Variants in SLC6A2 observed in about 807,000 individuals in gnomAD.
The protein encoded by SLC6A2 is sodium-dependent noradrenaline transporter.
SLC6A2 carries 26 observed loss-of-function variants against 71.7 expected under a neutral mutation model. That is an observed-to-expected ratio of 0.36 (90% CI 0.27 to 0.50). The LOEUF is 0.50. Among genes scored for constraint, SLC6A2 ranks in the 20% least tolerant of loss-of-function variants. SLC6A2 has a pLI of 0.96. For synonymous variants in SLC6A2, 363 were observed against 337.9 expected (o/e 1.07, Z -0.82); for missense variants, 581 against 803.9 (o/e 0.72, Z 3.35).
chr16:55,703,469 G>A lies in SLC6A2; in HGVS notation c.*1123G>A, dbSNP rs979267561. 1.2e-5 allele frequency: 12 copies of A among 985,460 alleles called. No individual in the cohort carries two copies. The African/African-American group carries it at 2.1e-4, about 17-fold the overall frequency. The allele number at this position is 985,460 out of a possible 1,614,324, so 61.0% of individuals were successfully genotyped here. A position where few individuals can be genotyped will look rare whatever the true frequency, so the allele number is the denominator to read the frequency against. On this transcript the variant is annotated 3_prime_UTR_variant, in exon 15 of 15. Transcript: ENST00000568943. ...CTTGGAGGGCAGGGTGAGACAAGCAGCCCAGAAATACTCTCTCAAGTGGAG... is the reference window on the plus strand; with the variant it reads ...CTTGGAGGGCAGGGTGAGACAAGCAACCCAGAAATACTCTCTCAAGTGGAG...
At chr16:55,695,918 G>A (rs1368440929) in intron 8 of SLC6A2, among the ~76,000 whole-genome samples, 5 of 152,112 alleles carry the variant, frequency 3.3e-5, no homozygotes, top group African/African-American at 1.2e-4. Flanking sequence ...TACCTCTAAT[G>A]CACTCCGAGG....
intron 2 of SLC6A2, among the ~76,000 whole-genome samples, chr16:55,666,143 T>A (rs1964744174): frequency 6.6e-6 from 1 of 152,200 alleles, no homozygotes; most frequent in African/African-American, 2.4e-5. Context: ...CCAGCACCCA[T>A]GCAGCCAGGG....
intron 2 of SLC6A2, among the ~76,000 whole-genome samples, chr16:55,666,672 T>C (rs546452303): frequency 6.6e-6 from 1 of 152,306 alleles, no homozygotes; most frequent in Non-Finnish European, 1.5e-5. Context: ...CTTCCCTCCT[T>C]TTCTCATGTT....
Position 55,705,274 on chromosome 16 carries a change from C to T in SLC6A2, c.*2928C>T. ...AACTCTTGCCAGATATCCTGCTGAACAGAAATCCCTGAAGCTGCCTTAATT... is the reference window on the plus strand; with the variant it reads ...AACTCTTGCCAGATATCCTGCTGAATAGAAATCCCTGAAGCTGCCTTAATT... On this transcript the variant is annotated 3_prime_UTR_variant, in exon 15 of 15. Coordinates refer to ENST00000568943, the MANE Select transcript of SLC6A2 (RefSeq NM_001172501.3). 5.9e-6 allele frequency: 9 copies of T among 1,534,024 alleles called. No homozygotes were observed. The highest frequency in any genetic ancestry group is 1.2e-5 in the South Asian group (1 of 83,760).
Position 55,702,643 on chromosome 16 carries a change from T to C in SLC6A2, c.*297T>C. Reference sequence around the variant, plus strand: ...CTTTGGGATCCTGCTGAAGCTAGGTTCATGAGGTCGGAAATCCCCACCACA... The same window carrying C: ...CTTTGGGATCCTGCTGAAGCTAGGTCCATGAGGTCGGAAATCCCCACCACA... On this transcript the variant is annotated 3_prime_UTR_variant, in exon 15 of 15. Transcript: ENST00000568943. 1.5e-6 allele frequency: 2 copies of C among 1,348,494 alleles called. No homozygotes were observed. The highest frequency in any genetic ancestry group is 1.9e-6 in the Non-Finnish European group (2 of 1,047,326). 83.5% of individuals were successfully genotyped at this position (1,348,494 alleles called of 1,614,324 possible).
intron 13 of SLC6A2, among the ~76,000 whole-genome samples, chr16:55,701,449 A>C (rs1406021049): frequency 6.6e-6 from 1 of 152,186 alleles, no homozygotes; most frequent in Non-Finnish European, 1.5e-5. Context: ...CCTCCACTGC[A>C]GGAGGGCTTT....
intron 3 of SLC6A2, 73 bp from the exon 4 acceptor site, chr16:55,671,865 A>G: frequency 1.2e-6 from 2 of 1,607,136 alleles, no homozygotes; most frequent in Non-Finnish European, 1.7e-6. Flanking sequence ...GCAGTGGTGG[A>G]GCCACACCCA....
chr16:55,677,610 C>T (rs1376509971), intron 4 of SLC6A2, among the ~76,000 whole-genome samples: 1 of 152,096 alleles, frequency 6.6e-6, no homozygotes, highest in Non-Finnish European at 1.5e-5. Flanking sequence ...GAAAAGATGG[C>T]ATCTTCAGGC....
At chr16:55,691,450 C>G (rs1965626233) in intron 5 of SLC6A2, among the ~76,000 whole-genome samples, 1 of 152,148 alleles carries the variant, frequency 6.6e-6, no homozygotes, top group African/African-American at 2.4e-5. Context: ...TTTGCCAATG[C>G]CTGTATTCAT....
chr16:55,662,833 T>G (rs1964645617), intron 2 of SLC6A2, among the ~76,000 whole-genome samples: 1 of 152,126 alleles, frequency 6.6e-6, no homozygotes, highest in African/African-American at 2.4e-5. Flanking sequence ...TGTTTCCAGG[T>G]CTTTCACTCA....
chr16:55,674,425 C>A (rs1348790770), intron 4 of SLC6A2, among the ~76,000 whole-genome samples: 1 of 151,454 alleles, frequency 6.6e-6, no homozygotes, highest in African/African-American at 2.4e-5. Flanking sequence ...TTTTCTTTTT[C>A]TTTTTCTTTT....
chr16:55,670,474 T>G (rs1034982210), intron 3 of SLC6A2, among the ~76,000 whole-genome samples: 6 of 152,232 alleles, frequency 3.9e-5, no homozygotes, highest in Admixed American at 6.5e-5. Flanking sequence ...AAAAGAGAAT[T>G]GACTTCTGTT....
At position 55,702,524 on chromosome 16, in the gene SLC6A2, G is replaced by A. The variant is rs1966004433; in HGVS notation, c.*178G>A. ...ACTGTAGTTTTTGTTCACCTTCTGT[G>A]CATCTGGCCTGGGGGCTGTTAGCTC... On this transcript the variant is annotated 3_prime_UTR_variant, in exon 15 of 15. Transcript: ENST00000568943. 1 of 1,511,204 alleles carries A rather than the reference G, an allele frequency of 6.6e-7. No homozygotes were observed. Among genetic ancestry groups the A allele is most frequent in the African/African-American group, 1.4e-5 (1 of 72,490 alleles). 93.6% of individuals were successfully genotyped at this position (1,511,204 alleles called of 1,614,324 possible).
intron 2 of SLC6A2, among the ~76,000 whole-genome samples, chr16:55,666,495 T>G (rs534294366): frequency 2.6e-5 from 4 of 152,300 alleles, no homozygotes; most frequent in African/African-American, 9.6e-5. Context: ...GCTGTCCTCT[T>G]TTAGAATAAG....
At chr16:55,682,247 A>G (rs75609019) in intron 4 of SLC6A2, among the ~76,000 whole-genome samples, 10,410 of 152,200 alleles carry the variant, frequency 0.068, 411 homozygotes, top group Middle Eastern at 0.088. Flanking sequence ...ATGGACCTCT[A>G]GTTGAGCGCA....
At chr16:55,683,832 C>T (rs1965359621) in intron 4 of SLC6A2, among the ~76,000 whole-genome samples, 1 of 152,074 alleles carries the variant, frequency 6.6e-6, no homozygotes. Flanking sequence ...GTCAGTAACC[C>T]CCTCAACCCC....
intron 4 of SLC6A2, among the ~76,000 whole-genome samples, chr16:55,681,285 G>A (rs1965262742): frequency 6.6e-6 from 1 of 152,206 alleles, no homozygotes. Flanking sequence ...GATGGGAAAT[G>A]CTTACACGCA....
At position 55,703,483 on chromosome 16, in the gene SLC6A2, T is replaced by A; in HGVS notation, c.*1137T>A. 3 of 985,382 alleles carry A rather than the reference T, an allele frequency of 3.0e-6. No homozygotes were observed. The highest frequency in any genetic ancestry group is 9.4e-5 in the South Asian group (2 of 21,284). The allele number at this position is 985,382 out of a possible 1,614,324, so 61.0% of individuals were successfully genotyped here. On this transcript the variant is annotated 3_prime_UTR_variant, in exon 15 of 15. Transcript: ENST00000568943. ...TGAGACAAGCAGCCCAGAAATACTC[T>A]CTCAAGTGGAGGGGAGAATTTTGAG...
chr16:55,696,750 G>T (rs955003157), intron 9 of SLC6A2, among the ~76,000 whole-genome samples: 5 of 152,204 alleles, frequency 3.3e-5, no homozygotes, highest in Non-Finnish European at 5.9e-5. Context: ...GGAAGGCTGA[G>T]GTGGAAGGAT....
Sources: allele counts gnomAD v4.1 joint callset (sites outside exome capture counted in the v4.1 genomes callset), GRCh38; gene constraint gnomAD v4.1.1; transcripts MANE v1.5; gene names NCBI Gene and HGNC (gene_info 2026-07-23, HGNC 2026-07-21).